The following ENOX2 variants were observed in gnomAD, a reference collection of about 807,000 sequenced individuals.
ENOX2 encodes ecto-NOX disulfide-thiol exchanger 2, also known as APK1 antigen.
In ENOX2, 36 loss-of-function variants were observed where a neutral mutation model predicts 45.0. That is an observed-to-expected ratio of 0.80 (90% CI 0.61 to 1.06). The LOEUF (loss-of-function observed/expected upper bound fraction) is 1.06. Among genes scored for constraint, ENOX2 ranks in the 50% least tolerant of loss-of-function variants. The probability of loss-of-function intolerance (pLI) is 0.00; values close to 1 mark genes in which losing one functional copy is unlikely to be tolerated. For synonymous variants in ENOX2, 174 were observed against 152.3 expected (o/e 1.14, Z -1.05); for missense variants, 423 against 462.5 (o/e 0.91, Z 0.78).
chrX:130,711,189 A>C (rs950787332), intron 3 of ENOX2, among the ~76,000 whole-genome samples: 2 of 111,945 alleles, frequency 1.8e-5, no homozygotes, highest in African/African-American at 6.5e-5. Flanking sequence ...CCTGGGGCTC[A>C]AGGCTTTATC....
At chrX:130,887,834 T>G (rs2078933022) in intron 2 of ENOX2, among the ~76,000 whole-genome samples, 1 of 112,144 alleles carries the variant, frequency 8.9e-6, no homozygotes, top group South Asian at 3.7e-4. Flanking sequence ...AAATAATGTT[T>G]GCCCACTCTT....
intron 3 of ENOX2, among the ~76,000 whole-genome samples, chrX:130,772,404 A>G (rs933884388): frequency 8.9e-6 from 1 of 111,833 alleles, no homozygotes; most frequent in African/African-American, 3.3e-5. Context: ...GGGGAATAAA[A>G]AAGGCCAGAT....
chrX:130,701,397 C>A (rs1001652229), intron 4 of ENOX2, among the ~76,000 whole-genome samples: 6 of 110,395 alleles, frequency 5.4e-5, no homozygotes, highest in African/African-American at 2.0e-4. Flanking sequence ...ATATATATTT[C>A]AGTTTAAATT....
chrX:130,715,577 T>G (rs1418323518), intron 3 of ENOX2, among the ~76,000 whole-genome samples: 2 of 111,712 alleles, frequency 1.8e-5, no homozygotes, highest in East Asian at 5.6e-4. Context: ...CTGTTTTTTT[T>G]TTTTTGAAAA....
intron 5 of ENOX2, among the ~76,000 whole-genome samples, chrX:130,680,821 G>A (rs1417375403): frequency 1.8e-5 from 2 of 112,483 alleles, no homozygotes; most frequent in Non-Finnish European, 3.8e-5. Context: ...CATGTTCATA[G>A]ATTAGGCCAA....
At chrX:130,825,799 T>C (rs1467728692) in intron 2 of ENOX2, among the ~76,000 whole-genome samples, 1 of 110,512 alleles carries the variant, frequency 9.0e-6, no homozygotes, top group Non-Finnish European at 1.9e-5. Flanking sequence ...ATCATGTCAA[T>C]AGATTACAAG....
intron 2 of ENOX2, among the ~76,000 whole-genome samples, chrX:130,847,005 G>A (rs1348195148): frequency 8.9e-6 from 1 of 112,208 alleles, no homozygotes; most frequent in Admixed American, 9.4e-5. Context: ...GCCAAATTCA[G>A]GAGGCTGTAA....
chrX:130,788,993 T>C (rs767580426), intron 2 of ENOX2, among the ~76,000 whole-genome samples: 1 of 109,568 alleles, frequency 9.1e-6, no homozygotes, highest in Non-Finnish European at 1.9e-5. Flanking sequence ...TTTCATGTCA[T>C]GTTGAAATGC....
rs891141472 is a variant in ENOX2, at chrX:130,898,484, G to A, written c.-183+3200C>T. ...TATGTATGCCTACACAGATGTGTGT[G>A]TGCGTGTGCGTGTGTGTGTGCGTGT... On this transcript the variant is annotated intron_variant, in intron 2 of 14. Transcript: ENST00000394363. Among the ~76,000 whole-genome samples the A allele has an allele frequency of 3.6e-5, 4 of 110,541 alleles. No individual in the cohort carries two copies. In the East Asian group the frequency reaches 1.1e-3, roughly 31 times the overall value.
intron 4 of ENOX2, among the ~76,000 whole-genome samples, chrX:130,698,487 A>G (rs952251574): frequency 9.0e-6 from 1 of 111,033 alleles, no homozygotes; most frequent in African/African-American, 3.3e-5. Flanking sequence ...GGTAGAATTC[A>G]GGTTTGTTTT....
intron 4 of ENOX2, among the ~76,000 whole-genome samples, chrX:130,697,643 A>T (rs920184958): frequency 2.7e-5 from 3 of 111,850 alleles, no homozygotes; most frequent in Non-Finnish European, 3.8e-5. Context: ...TTTCTTGTTC[A>T]TTGCTCTGTC....
chrX:130,744,977 G>A (rs1299632312), intron 3 of ENOX2, among the ~76,000 whole-genome samples: 1 of 111,376 alleles, frequency 9.0e-6, no homozygotes, highest in Non-Finnish European at 1.9e-5. Flanking sequence ...TGTTCCTTAT[G>A]AGAATCTAAA....
chrX:130,655,271 T>C (rs942476802), intron 10 of ENOX2, among the ~76,000 whole-genome samples: 2 of 112,269 alleles, frequency 1.8e-5, no homozygotes, highest in Non-Finnish European at 3.8e-5. Flanking sequence ...TGTTTAGGGT[T>C]CAAACATATG....
intron 5 of ENOX2, among the ~76,000 whole-genome samples, chrX:130,684,482 A>C (rs747508413): frequency 1.8e-5 from 2 of 112,124 alleles, no homozygotes; most frequent in South Asian, 7.5e-4. Flanking sequence ...TCTGAAGCTT[A>C]GAAGAGATAT....
chrX:130,807,591 T>C (rs1470877895), intron 2 of ENOX2, among the ~76,000 whole-genome samples: 2 of 111,646 alleles, frequency 1.8e-5, no homozygotes, highest in South Asian at 7.6e-4. Context: ...ATGGAAGCAG[T>C]TGGGGACTTA....
chrX:130,893,234 G>C (rs1044152331), intron 2 of ENOX2, among the ~76,000 whole-genome samples: 1 of 112,008 alleles, frequency 8.9e-6, no homozygotes, highest in Non-Finnish European at 1.9e-5. Flanking sequence ...ATAATTTGTT[G>C]AGCACCAACC....
At chrX:130,657,134 T>C (rs1439225215) in intron 9 of ENOX2, among the ~76,000 whole-genome samples, 3 of 112,021 alleles carry the variant, frequency 2.7e-5, no homozygotes, top group Non-Finnish European at 5.6e-5. Flanking sequence ...GTTTTTGTAG[T>C]TTTAGAAGTT....
At chrX:130,780,069 T>C (rs1337371791) in intron 3 of ENOX2, among the ~76,000 whole-genome samples, 1 of 111,365 alleles carries the variant, frequency 9.0e-6, no homozygotes, top group Non-Finnish European at 1.9e-5. Flanking sequence ...ATGAATGGTA[T>C]GAGCACGGTG....
intron 9 of ENOX2, among the ~76,000 whole-genome samples, chrX:130,661,516 T>G (rs1225662203): frequency 9.0e-6 from 1 of 111,527 alleles, no homozygotes; most frequent in East Asian, 2.8e-4. Flanking sequence ...AGAGGAAAAT[T>G]GGTGGAGAAG....
Sources: gnomAD v4.1 joint callset for allele counts (sites outside exome capture counted in the v4.1 genomes callset) on GRCh38, gnomAD v4.1.1 for gene constraint, MANE v1.5 for transcripts, NCBI Gene and HGNC (gene_info 2026-07-23, HGNC 2026-07-21) for gene names.